The following EPHA2 variants were observed in gnomAD, a reference collection of about 807,000 sequenced individuals.
EPHA2 encodes the protein ephrin type-A receptor 2.
In EPHA2, 54 loss-of-function variants were observed where a neutral mutation model predicts 104.9. The observed-to-expected ratio is 0.51, with a 90% CI of 0.41 to 0.65. The LOEUF (loss-of-function observed/expected upper bound fraction) is 0.65. Ranked by LOEUF, EPHA2 falls within the 30% of genes least tolerant of loss-of-function variation. EPHA2 has a pLI of 0.00. For missense variants in EPHA2, 1,117 were observed against 1,369.5 expected (o/e 0.82, Z 2.91); for synonymous variants, 560 against 559.1 (o/e 1.00, Z -0.02).
At position 16,135,630 on chromosome 1, in the gene EPHA2, C is replaced by T; in HGVS notation, c.1428+25G>A. On this transcript the variant is annotated intron_variant, in intron 6 of 16. Transcript: ENST00000358432. The surrounding 1 kb of genome is among the most constrained non-coding windows in gnomAD (Gnocchi z 4.3). ...TCCCCTGCTGTCGGCCCAGCTAGAG[C>T]CAGCCCCGCCCCTCTGGGAGTTACC... 6.2e-7 allele frequency: 1 copy of T among 1,607,088 alleles called. No individual in the cohort carries two copies. Among genetic ancestry groups the T allele is most frequent in the Non-Finnish European group, 8.5e-7 (1 of 1,173,854 alleles).
At position 16,128,625 on chromosome 1, in the gene EPHA2, G is replaced by T. The variant is rs553493351; in HGVS notation, c.2825+809C>A. ...GCCACTATTTTTAGAGGCACAAAAG[G>T]CTAAGAGGATAGGGTCTCCCCCTTC... On this transcript the variant is annotated intron_variant, in intron 16 of 16. Transcript: ENST00000358432. This position sits in a 1 kb window ranked among gnomAD's most constrained non-coding sequence, Gnocchi z 4.7. Among the ~76,000 whole-genome samples the T allele has an allele frequency of 6.6e-6, 1 of 152,322 alleles. No individual in the cohort carries two copies. The highest frequency in any genetic ancestry group is 2.1e-4 in the South Asian group (1 of 4,828).
chr1:16,140,361 G>A (rs985972337), intron 3 of EPHA2, among the ~76,000 whole-genome samples: 7 of 152,206 alleles, frequency 4.6e-5, no homozygotes, highest in Non-Finnish European at 8.8e-5. Context: ...CCCGGGACCC[G>A]ACTCCTGCTC....
chr1:16,129,007 G>A (rs1022412670), intron 16 of EPHA2, among the ~76,000 whole-genome samples: 14 of 151,750 alleles, frequency 9.2e-5, no homozygotes, highest in African/African-American at 3.4e-4. Flanking sequence ...ACTGGGCCTG[G>A]AATCCTGCTC....
rs1448931314 is a variant in EPHA2 at position 16,150,935 on chromosome 1, T to A, written c.114A>T (p.Gly38=). 3 of 1,613,862 alleles carry A rather than the reference T, an allele frequency of 1.9e-6. No homozygotes were observed. The highest frequency in any genetic ancestry group is 1.1e-5 in the South Asian group (1 of 91,078). Reference sequence around the variant, plus strand: ...GGTGTGTGAGCCAGCCGAGCTCCCCTCCAGCTGCAGCAAAGTCCAGCAGTA... The same window carrying A: ...GGTGTGTGAGCCAGCCGAGCTCCCCACCAGCTGCAGCAAAGTCCAGCAGTA... The part of the protein sequence containing the change: ...EVVLLDFAAA[G]GELGWLTHPY... The change falls in exon 2 of 17, where the codon GGA becomes GGT. Residue 38 remains glycine, a synonymous_variant. Transcript: ENST00000358432. This position sits in a 1 kb window ranked among gnomAD's most constrained non-coding sequence, Gnocchi z 4.8.
In EPHA2 at chr1:16,135,254, G is replaced by T. The variant is rs1394555091; in HGVS notation, c.1429-65C>A. The T allele has an allele frequency of 1.2e-6, 2 of 1,600,900 alleles. No homozygotes were observed. The highest frequency in any genetic ancestry group is 1.3e-5 in the African/African-American group (1 of 74,718). On this transcript the variant is annotated intron_variant, in intron 6 of 16. Coordinates refer to ENST00000358432, the MANE Select transcript of EPHA2 (RefSeq NM_004431.5). This position sits in a 1 kb window ranked among gnomAD's most constrained non-coding sequence, Gnocchi z 4.3. The stretch of plus-strand genomic sequence containing the variant: ...CAGGGCAGGGGCCTCGGCTCAGCCC[G>T]CTGGAGACCACCCCAAGCTAGCAAG...
intron 11 of EPHA2, among the ~76,000 whole-genome samples, chr1:16,132,700 G>A (rs2024598515): frequency 6.6e-6 from 1 of 151,384 alleles, no homozygotes; most frequent in South Asian, 2.1e-4. Flanking sequence ...AGGACAGGTG[G>A]GCACAGGTGT....
rs2024555003 is a variant in EPHA2, at chr1:16,130,610, T to A, written c.2476-191A>T. 6.6e-6 allele frequency among the ~76,000 whole-genome samples: 1 copy of A among 150,808 alleles called. No individual in the cohort carries two copies. Among genetic ancestry groups the A allele is most frequent in the Admixed American group, 6.6e-5 (1 of 15,182 alleles). ...AAGGGCAAATGCCTAAGGGTCTGTG[T>A]CCAGAGTTCACTGGAAGGGACTTTT... On this transcript the variant is annotated intron_variant, in intron 14 of 16. Transcript: ENST00000358432. The surrounding 1 kb of genome is among the most constrained non-coding windows in gnomAD (Gnocchi z 4.5).
intron 3 of EPHA2, among the ~76,000 whole-genome samples, chr1:16,145,092 C>T (rs1354091103): frequency 1.3e-5 from 2 of 152,246 alleles, no homozygotes; most frequent in African/African-American, 2.4e-5. Context: ...CCCAGCTGTT[C>T]AGCTGAGCCA....
In EPHA2 at chr1:16,131,280, C is replaced by G. The variant is rs1177751767; in HGVS notation, c.2475+441G>C. Among the ~76,000 whole-genome samples the G allele has an allele frequency of 1.3e-5, 2 of 152,162 alleles. No homozygotes were observed. Among genetic ancestry groups the G allele is most frequent in the Non-Finnish European group, 2.9e-5 (2 of 68,036 alleles). ...CACAAGGCCTGGCACGCAGTAGATC[C>G]TCAAGAAATATTTACGGGGCTGGGT... is the stretch of plus-strand genomic sequence containing the variant. On this transcript the variant is annotated intron_variant, in intron 14 of 16. Coordinates refer to ENST00000358432, the MANE Select transcript of EPHA2 (RefSeq NM_004431.5). This position sits in a 1 kb window ranked among gnomAD's most constrained non-coding sequence, Gnocchi z 5.2.
intron 1 of EPHA2, among the ~76,000 whole-genome samples, chr1:16,154,661 CAGG>C (rs543200368): frequency 1.1e-3 from 155 of 140,006 alleles, no homozygotes; most frequent in African/African-American, 4.0e-3. Flanking sequence ...AGGCTTGAGA[CAGG>C]AGAATAGCTT....
chr1:16,153,257 G>A (rs116222451), intron 1 of EPHA2: 5 of 985,246 alleles, frequency 5.1e-6, no homozygotes, highest in African/African-American at 1.7e-5. Context: ...CCCGGTCTCC[G>A]GTCCTTCTCC....
chr1:16,153,207 CTCCACAGCTTCT>C (rs912820975), intron 1 of EPHA2: 2 of 985,298 alleles, frequency 2.0e-6, no homozygotes, highest in Admixed American at 6.1e-5. Flanking sequence ...GTCCACATTG[CTCCACAGCTTCT>C]TCCACAAATG....
At chr1:16,136,303 A>AAAT (rs35523202) in intron 5 of EPHA2, among the ~76,000 whole-genome samples, 86,566 of 140,828 alleles carry the variant, frequency 0.61, 29,520 homozygotes, top group East Asian at 0.89. Context: ...ACGAGTGCAT[A>AAAT]AATAATAATA....
At chr1:16,136,707 AG>A (rs1175662711) in intron 5 of EPHA2, among the ~76,000 whole-genome samples, 2 of 95,496 alleles carry the variant, frequency 2.1e-5, no homozygotes, top group Non-Finnish European at 3.4e-5. Flanking sequence ...AAGAAGAAGA[AG>A]AAGAAAAGAA....
rs528206013 is a variant in EPHA2 at position 16,124,902 on chromosome 1, C to T, written c.*313G>A. 22 of 340,386 alleles carry T rather than the reference C, an allele frequency of 6.5e-5. No individual in the cohort carries two copies. The highest frequency in any genetic ancestry group is 1.0e-4 in the Non-Finnish European group (18 of 177,100). The allele number at this position is 340,386 out of a possible 1,614,324, so 21.1% of individuals were successfully genotyped here. On this transcript the variant is annotated 3_prime_UTR_variant, in exon 17 of 17. Transcript: ENST00000358432. ...ATGTGGGAGAAGGCGGAGGGAAGGT[C>T]GGCTTGGGAATATCCCATATGTCTG... is the stretch of plus-strand genomic sequence containing the variant.
At chr1:16,142,601 GGATGAATGGACA>G (rs1294757725) in intron 3 of EPHA2, among the ~76,000 whole-genome samples, 3 of 151,254 alleles carry the variant, frequency 2.0e-5, no homozygotes, top group African/African-American at 4.9e-5. Context: ...ATGAGTGGGT[GGATGAATGGACA>G]GATGAATGGA....
rs1167376506 is a variant in EPHA2 at position 16,150,313 on chromosome 1, G to A, written c.153+583C>T. Among the ~76,000 whole-genome samples, 1 of 152,168 alleles carries A rather than the reference G, an allele frequency of 6.6e-6. No homozygotes were observed. The highest frequency in any genetic ancestry group is 1.5e-5 in the Non-Finnish European group (1 of 68,036). On this transcript the variant is annotated intron_variant, in intron 2 of 16. Transcript: ENST00000358432. The surrounding 1 kb of genome is among the most constrained non-coding windows in gnomAD (Gnocchi z 4.8). ...CAAGATCACACAGCAGACACACACA[G>A]CCAGGGGAAGAACCCCCAGCCCCTG...
At chr1:16,141,281 G>C (rs988312255) in intron 3 of EPHA2, among the ~76,000 whole-genome samples, 2 of 152,150 alleles carry the variant, frequency 1.3e-5, no homozygotes, top group Non-Finnish European at 2.9e-5. Flanking sequence ...AGCCCAGGGG[G>C]GTTGGTTGGG....
Position 16,148,610 on chromosome 1 carries a change from G to A in EPHA2, c.591C>T (p.Tyr197=), listed in dbSNP as rs1457427957. The A allele has an allele frequency of 6.2e-7, 1 of 1,609,394 alleles. No individual in the cohort carries two copies. The highest frequency in any genetic ancestry group is 2.2e-5 in the East Asian group (1 of 44,892). ...GCAGCAGCTCGGGGCACTTCTTGTA[G>A]TAGACACGGACGGAGAGCAGCGCCA... ...ACVALLSVRV[Y]YKKCPELLQG... is the part of the protein sequence containing the mutation. The change falls in exon 3 of 17, where the codon TAC becomes TAT. Residue 197 remains tyrosine, a synonymous_variant. Coordinates refer to ENST00000358432, the MANE Select transcript of EPHA2 (RefSeq NM_004431.5). The surrounding 1 kb of genome is among the most constrained non-coding windows in gnomAD (Gnocchi z 4.9).
Sources: allele counts gnomAD v4.1 joint callset (sites outside exome capture counted in the v4.1 genomes callset), GRCh38; gene constraint gnomAD v4.1.1; non-coding constraint Gnocchi (gnomAD v3.1); transcripts MANE v1.5; gene names NCBI Gene and HGNC (gene_info 2026-07-23, HGNC 2026-07-21).